ANKS1B: variants seen among roughly 807,000 people sequenced by gnomAD.
ANKS1B encodes the protein ankyrin repeat and sterile alpha motif domain containing 1B.
ANKS1B carries 36 observed loss-of-function variants against 148.3 expected under a neutral mutation model. That is an observed-to-expected ratio of 0.24 (90% confidence interval 0.19 to 0.32). ANKS1B has a LOEUF of 0.32. ANKS1B is among the 10% of genes least tolerant of loss of function. The pLI, the probability that ANKS1B is intolerant of heterozygous loss-of-function variation, is 1.00. For synonymous variants in ANKS1B, 542 were observed against 560.8 expected (o/e 0.97, Z 0.47); for missense variants, 1,157 against 1,542.6 (o/e 0.75, Z 4.19).
chr12:99,483,618 C>T (rs2096446490), intron 10 of ANKS1B, among the ~76,000 whole-genome samples: 1 of 151,934 alleles, frequency 6.6e-6, no homozygotes, highest in Non-Finnish European at 1.5e-5. Context: ...AGCTGTGAAT[C>T]CATCTGGTCC....
intron 14 of ANKS1B, among the ~76,000 whole-genome samples, chr12:99,181,891 A>G (rs1181511384): frequency 6.6e-6 from 1 of 152,044 alleles, no homozygotes; most frequent in African/African-American, 2.4e-5. Flanking sequence ...TGTACTATCA[A>G]ACACCAGATC....
intron 1 of ANKS1B, among the ~76,000 whole-genome samples, chr12:99,897,313 T>C (rs537558568): frequency 1.3e-5 from 2 of 151,394 alleles, no homozygotes; most frequent in East Asian, 3.9e-4. Context: ...AGCATCTAAC[T>C]GAAAATTGTT....
chr12:99,262,779 C>T (rs938242381), intron 12 of ANKS1B, among the ~76,000 whole-genome samples: 1 of 151,936 alleles, frequency 6.6e-6, no homozygotes, highest in African/African-American at 2.4e-5. Flanking sequence ...TCATATCAAT[C>T]CTTGAAATAT....
intron 9 of ANKS1B, among the ~76,000 whole-genome samples, chr12:99,606,626 T>G (rs7297686): frequency 0.24 from 35,822 of 151,934 alleles, 4,571 homozygotes; most frequent in Admixed American, 0.3. Context: ...ATATTTTAAC[T>G]TACTTAGAAA....
intron 12 of ANKS1B, among the ~76,000 whole-genome samples, chr12:99,259,434 T>G (rs893236109): frequency 6.6e-6 from 1 of 152,234 alleles, no homozygotes; most frequent in Non-Finnish European, 1.5e-5. Context: ...CCCTACACTC[T>G]GCCAAACTCA....
intron 12 of ANKS1B, among the ~76,000 whole-genome samples, chr12:99,389,674 A>T (rs1405453889): frequency 6.6e-6 from 1 of 152,210 alleles, no homozygotes; most frequent in Non-Finnish European, 1.5e-5. Context: ...TAGAGAGAAG[A>T]TATATACAGC....
intron 9 of ANKS1B, among the ~76,000 whole-genome samples, chr12:99,622,367 C>A (rs1337922670): frequency 1.3e-5 from 2 of 151,644 alleles, no homozygotes; most frequent in Non-Finnish European, 2.9e-5. Flanking sequence ...TCAAAGGTAG[C>A]AGAAAACAAG....
intron 15 of ANKS1B, among the ~76,000 whole-genome samples, chr12:99,135,789 G>T (rs957889438): frequency 1.3e-5 from 2 of 152,180 alleles, no homozygotes; most frequent in Non-Finnish European, 2.9e-5. Context: ...ATGACACAGG[G>T]AGGAAAGCAT....
chr12:99,386,849 C>T (rs1161229275), intron 12 of ANKS1B, among the ~76,000 whole-genome samples: 8 of 152,094 alleles, frequency 5.3e-5, no homozygotes, highest in Non-Finnish European at 8.8e-5. Context: ...CTCATGCTTC[C>T]GAAGAAAGCA....
intron 17 of ANKS1B, among the ~76,000 whole-genome samples, chr12:98,956,180 C>T (rs971012634): frequency 8.5e-5 from 13 of 152,182 alleles, no homozygotes; most frequent in Admixed American, 2.0e-4. Context: ...AGCTGGCAGT[C>T]ACACTTCATT....
At chr12:99,135,685 G>C (rs2067803605) in intron 15 of ANKS1B, among the ~76,000 whole-genome samples, 1 of 152,224 alleles carries the variant, frequency 6.6e-6, no homozygotes, top group Admixed American at 6.5e-5. Context: ...GGCATTTTTA[G>C]ATTCACAAAG....
chr12:99,798,423 T>TAAAAA (rs61020616), intron 4 of ANKS1B, among the ~76,000 whole-genome samples: 2 of 78,620 alleles, frequency 2.5e-5, no homozygotes, highest in South Asian at 4.6e-4. Flanking sequence ...CTCTTGGAAT[T>TAAAAA]AAAAAAAAAA....
intron 9 of ANKS1B, among the ~76,000 whole-genome samples, chr12:99,603,662 G>T (rs145751259): frequency 2.0e-5 from 3 of 151,496 alleles, no homozygotes; most frequent in East Asian, 3.9e-4. Flanking sequence ...ATTCTGGAGG[G>T]ATACAGTAGA....
chr12:99,430,255 A>G (rs979857589), intron 11 of ANKS1B, among the ~76,000 whole-genome samples: 1 of 152,194 alleles, frequency 6.6e-6, no homozygotes, highest in African/African-American at 2.4e-5. Context: ...TAATCAAGTC[A>G]AAAGAATTAA....
At chr12:99,050,996 T>A (rs2153524377) in intron 17 of ANKS1B, among the ~76,000 whole-genome samples, 1 of 152,090 alleles carries the variant, frequency 6.6e-6, no homozygotes, top group South Asian at 2.1e-4. Context: ...CACGCCTGAC[T>A]AGAAAAGACT....
At chr12:99,523,728 A>G (rs1398232184) in intron 9 of ANKS1B, among the ~76,000 whole-genome samples, 1 of 151,194 alleles carries the variant, frequency 6.6e-6, no homozygotes, top group Non-Finnish European at 1.5e-5. Context: ...AATTTTTTGT[A>G]TTTTTAGTAA....
chr12:98,898,750 T>G (rs1596512406), intron 17 of ANKS1B, among the ~76,000 whole-genome samples: 1 of 152,194 alleles, frequency 6.6e-6, no homozygotes, highest in East Asian at 1.9e-4. Context: ...TGTATCTAAA[T>G]CTTATAATAT....
intron 14 of ANKS1B, among the ~76,000 whole-genome samples, chr12:99,233,708 C>G (rs901032815): frequency 6.6e-6 from 1 of 152,064 alleles, no homozygotes; most frequent in Non-Finnish European, 1.5e-5. Context: ...TAGTCCTGGA[C>G]AGTTGACGTT....
chr12:99,577,337 G>A (rs922992921), intron 9 of ANKS1B, among the ~76,000 whole-genome samples: 4 of 142,964 alleles, frequency 2.8e-5, no homozygotes, highest in African/African-American at 1.0e-4. Context: ...ATAAATAAAA[G>A]CAAACCAACC....
Sources: gnomAD v4.1 joint callset for allele counts (sites outside exome capture counted in the v4.1 genomes callset) on GRCh38, gnomAD v4.1.1 for gene constraint, MANE v1.5 for transcripts, NCBI Gene and HGNC (gene_info 2026-07-23, HGNC 2026-07-21) for gene names.